KCNB2: variants seen among roughly 807,000 people sequenced by gnomAD.
The protein encoded by KCNB2 is delayed rectifier potassium channel protein.
Under a neutral mutation model 61.5 loss-of-function variants are expected in KCNB2, and 15 were observed. That is an observed-to-expected ratio of 0.24 (90% CI 0.16 to 0.38). The LOEUF is 0.38. Ranked by LOEUF, KCNB2 falls within the 10% of genes least tolerant of loss-of-function variation. The probability of loss-of-function intolerance (pLI) is 1.00; values close to 1 mark genes in which losing one functional copy is unlikely to be tolerated. For synonymous variants in KCNB2, 457 were observed against 446.0 expected, an observed-to-expected ratio of 1.02 and a Z score of -0.31; for missense variants, 828 against 1,125.2, an observed-to-expected ratio of 0.74 and a Z score of 3.78.
intron 2 of KCNB2, among the ~76,000 whole-genome samples, chr8:72,578,574 T>C (rs1422322397): frequency 1.3e-5 from 2 of 152,192 alleles, no homozygotes; most frequent in African/African-American, 2.4e-5. Context: ...TTTTTCAGAC[T>C]CTAACTCATG....
chr8:72,852,592 A>G (rs930505031), intron 2 of KCNB2, among the ~76,000 whole-genome samples: 2 of 152,256 alleles, frequency 1.3e-5, no homozygotes, highest in African/African-American at 4.8e-5. Flanking sequence ...TGTATTCGAC[A>G]GTGGATAATC....
rs145137595 is a variant in KCNB2, at chr8:72,693,498, G to A, written c.579+125185G>A. ...AATCCTATTGTCTGTCAACCTGCAC[G>A]TCCACCTCACAGCTGGGGAGAGGGC... On this transcript the variant is annotated intron_variant, in intron 2 of 2. Coordinates refer to ENST00000523207, the MANE Select transcript of KCNB2 (RefSeq NM_004770.3). 1.3e-4 allele frequency among the ~76,000 whole-genome samples: 20 copies of A among 152,206 alleles called. No individual in the cohort carries two copies. The South Asian group carries it at 2.3e-3, about 17-fold the overall frequency.
intron 2 of KCNB2, among the ~76,000 whole-genome samples, chr8:72,708,757 C>A (rs909814306): frequency 6.6e-6 from 1 of 152,168 alleles, no homozygotes; most frequent in African/African-American, 2.4e-5. Context: ...CTAGTTCCTA[C>A]CTTTGAAACT....
At chr8:72,889,118 G>A (rs1805855116) in intron 2 of KCNB2, among the ~76,000 whole-genome samples, 2 of 152,164 alleles carry the variant, frequency 1.3e-5, no homozygotes, top group African/African-American at 2.4e-5. Flanking sequence ...ATGCTTCTTA[G>A]GGGAGAGGGA....
At chr8:72,587,021 A>G (rs1807011003) in intron 2 of KCNB2, among the ~76,000 whole-genome samples, 1 of 152,180 alleles carries the variant, frequency 6.6e-6, no homozygotes, top group East Asian at 1.9e-4. Context: ...AGCAAAGATG[A>G]ATCTTAAATT....
chr8:72,709,015 A>G (rs1021198902), intron 2 of KCNB2, among the ~76,000 whole-genome samples: 2 of 152,170 alleles, frequency 1.3e-5, no homozygotes, highest in Non-Finnish European at 2.9e-5. Context: ...ATTGTTAAGG[A>G]GTCACTAATA....
chr8:72,923,515 T>G (rs1326686759), intron 2 of KCNB2, among the ~76,000 whole-genome samples: 4 of 152,106 alleles, frequency 2.6e-5, no homozygotes, highest in African/African-American at 9.7e-5. Context: ...TGTCCCTGAA[T>G]TCCAAAGGGT....
intron 2 of KCNB2, among the ~76,000 whole-genome samples, chr8:72,774,884 A>G (rs1808621278): frequency 6.6e-6 from 1 of 152,136 alleles, no homozygotes; most frequent in South Asian, 2.1e-4. Context: ...TAGCTCAGGA[A>G]TGAAATCTCC....
rs1485641840 is a variant in KCNB2 at position 72,616,798 on chromosome 8, T to C, written c.579+48485T>C. Among the ~76,000 whole-genome samples, 3 of 152,252 alleles carry C rather than the reference T, an allele frequency of 2.0e-5. No homozygotes were observed. In the East Asian group the frequency reaches 5.8e-4, roughly 29 times the overall value. ...GTATACCTGGAGCACAGAGAGAAAA[T>C]TAATAAATATTTACTGCATATATGA... On this transcript the variant is annotated intron_variant, in intron 2 of 2. Transcript: ENST00000523207.
intron 2 of KCNB2, among the ~76,000 whole-genome samples, chr8:72,607,699 A>G (rs1805474966): frequency 6.6e-6 from 1 of 152,172 alleles, no homozygotes; most frequent in South Asian, 2.1e-4. Flanking sequence ...CTAGTCTCTA[A>G]AATTTTATCA....
intron 2 of KCNB2, among the ~76,000 whole-genome samples, chr8:72,655,346 C>T (rs1806274422): frequency 6.6e-6 from 1 of 152,038 alleles, no homozygotes; most frequent in Non-Finnish European, 1.5e-5. Flanking sequence ...CTATTGGGTA[C>T]TATGGTTATT....
At chr8:72,842,022 C>T (rs574133915) in intron 2 of KCNB2, among the ~76,000 whole-genome samples, 5 of 152,286 alleles carry the variant, frequency 3.3e-5, no homozygotes, top group East Asian at 1.9e-4. Flanking sequence ...AAAGGGAACG[C>T]GCCTAGCTTT....
At chr8:72,559,291 C>T (rs1016039688) in intron 1 of KCNB2, among the ~76,000 whole-genome samples, 3 of 151,714 alleles carry the variant, frequency 2.0e-5, no homozygotes, top group East Asian at 1.9e-4. Flanking sequence ...ATTACAGGTG[C>T]GCGCTACTAC....
chr8:72,595,462 A>G (rs1163887199), intron 2 of KCNB2, among the ~76,000 whole-genome samples: 1 of 151,550 alleles, frequency 6.6e-6, no homozygotes, highest in Non-Finnish European at 1.5e-5. Flanking sequence ...AGGAGCTGGG[A>G]CTACAGGCAT....
At chr8:72,826,365 T>C (rs1809596196) in intron 2 of KCNB2, among the ~76,000 whole-genome samples, 1 of 152,154 alleles carries the variant, frequency 6.6e-6, no homozygotes, top group South Asian at 2.1e-4. Context: ...GTGTTTTGCA[T>C]CCTAATGAAA....
intron 2 of KCNB2, among the ~76,000 whole-genome samples, chr8:72,569,078 G>C (rs192013743): frequency 2.0e-5 from 3 of 152,070 alleles, no homozygotes; most frequent in Non-Finnish European, 2.9e-5. Flanking sequence ...ATTCAACTGC[G>C]TGATTCTGTT....
At chr8:72,718,750 A>C (rs572756249) in intron 2 of KCNB2, among the ~76,000 whole-genome samples, 1 of 152,064 alleles carries the variant, frequency 6.6e-6, no homozygotes, top group African/African-American at 2.4e-5. Flanking sequence ...CCAACATGGC[A>C]CATATATACA....
intron 1 of KCNB2, among the ~76,000 whole-genome samples, chr8:72,556,787 C>T (rs1399453922): frequency 3.9e-5 from 6 of 152,210 alleles, no homozygotes; most frequent in African/African-American, 7.2e-5. Context: ...ATTTTGGAAG[C>T]GGTCTGCTTT....
At chr8:72,584,601 CAT>C (rs1326825830) in intron 2 of KCNB2, among the ~76,000 whole-genome samples, 1 of 152,148 alleles carries the variant, frequency 6.6e-6, no homozygotes, top group African/African-American at 2.4e-5. Flanking sequence ...CCAATGATAA[CAT>C]AAACCACTCT....
Sources: allele counts gnomAD v4.1 joint callset (sites outside exome capture counted in the v4.1 genomes callset), GRCh38; gene constraint gnomAD v4.1.1; transcripts MANE v1.5; gene names NCBI Gene and HGNC (gene_info 2026-07-23, HGNC 2026-07-21).